ENTPD3: variants seen among roughly 807,000 people sequenced by gnomAD.
The protein encoded by ENTPD3 is CD39 antigen-like 3.
ENTPD3 carries 60 observed loss-of-function variants against 51.2 expected under a neutral mutation model. The ratio of observed to expected loss-of-function variants is 1.17; its 90% CI spans 0.95 to 1.45. ENTPD3 has a LOEUF of 1.45. Ranked by LOEUF, ENTPD3 falls within the 40% of genes most tolerant of loss-of-function variation. The pLI is 0.00. For missense variants in ENTPD3, 593 were observed against 641.1 expected, an observed-to-expected ratio of 0.93 and a Z score of 0.81; for synonymous variants, 221 against 238.4, an observed-to-expected ratio of 0.93 and a Z score of 0.67.
rs199612621 is a variant in ENTPD3, at chr3:40,414,761, G to A, written c.518G>A (p.Gly173Asp). ...AAGTCCCAGCCCTTTGACTTTAGGG[G>A]TGCTCAAATCATTTCTGGGCAAGAA... ...YFKSQPFDFR[G>D]AQIISGQEEG... is the part of the protein sequence containing the mutation. Residue 173 changes from glycine (G) to aspartate (D), a missense_variant, in exon 6 of 11, where the codon GGT becomes GAT. Transcript: ENST00000301825. 4.3e-6 allele frequency: 7 copies of A among 1,613,912 alleles called. No individual in the cohort carries two copies. Among genetic ancestry groups the A allele is most frequent in the Non-Finnish European group, 5.9e-6 (7 of 1,179,954 alleles).
chr3:40,425,915 T>G (rs1268414924), intron 10 of ENTPD3, among the ~76,000 whole-genome samples: 1 of 144,484 alleles, frequency 6.9e-6, no homozygotes, highest in African/African-American at 2.5e-5. Flanking sequence ...AAAAAAAAAT[T>G]ATATTAAAAA....
At position 40,411,841 on chromosome 3, in the gene ENTPD3, C is replaced by A; in HGVS notation, c.316C>A (p.Pro106Thr). The A allele has an allele frequency of 6.3e-7, 1 of 1,596,708 alleles. No individual in the cohort carries two copies. The highest frequency in any genetic ancestry group is 8.5e-7 in the Non-Finnish European group (1 of 1,171,706). The change falls in exon 5 of 11, where the codon CCC becomes ACC. Residue 106 changes from proline (P) to threonine (T), a missense_variant. Pro to Thr is a conservative substitution (Grantham distance 38). Transcript: ENST00000301825. Reference protein sequence around the residue: ...GSGISSYGNNPQDVPRAFEEC... With the variant: ...GSGISSYGNNTQDVPRAFEEC... ...TGGAATCTCCAGCTATGGAAATAAC[C>A]CCCAAGATGTCCCCAGAGCCTTTGA...
chr3:40,414,963 G>A (rs561243228), intron 6 of ENTPD3, 123 bp downstream of exon 6: 221 of 964,548 alleles, frequency 2.3e-4, no homozygotes, highest in East Asian at 1.0e-3. Context: ...ACCATGTAAC[G>A]CATTAGGGAA....
At chr3:40,401,596 T>C (rs1955358318) in intron 4 of ENTPD3, among the ~76,000 whole-genome samples, 1 of 152,232 alleles carries the variant, frequency 6.6e-6, no homozygotes, top group African/African-American at 2.4e-5. Flanking sequence ...TAGTCCTGTG[T>C]ATTGATGGCG....
Position 40,415,860 on chromosome 3 carries a change from G to A in ENTPD3, c.618G>A (p.Trp206Ter). ...NFLEKNLWHMWVHPHGVETTG... is the reference protein window; with the variant it reads ...NFLEKNLWHM The stretch of plus-strand genomic sequence containing the variant: ...TGCAGAAGAACCTGTGGCACATGTG[G>A]GTGCACCCGCATGGAGTGGAAACCA... The change falls in exon 7 of 11, where the codon TGG (tryptophan) becomes TGA (stop). Residue 206 changes from tryptophan (W) to a stop codon, truncating the protein, a stop_gained. Transcript: ENST00000301825. LOFTEE classifies it high-confidence loss of function. 1 of 1,613,920 alleles carries A rather than the reference G, an allele frequency of 6.2e-7. No individual in the cohort carries two copies. Among genetic ancestry groups the A allele is most frequent in the Non-Finnish European group, 8.5e-7 (1 of 1,179,898 alleles).
At position 40,415,973 on chromosome 3, in the gene ENTPD3, A is replaced by T; in HGVS notation, c.731A>T (p.Gln244Leu). The change falls in exon 7 of 11, where the codon CAG becomes CTG. Residue 244 changes from glutamine (Q) to leucine (L), a missense_variant. Physicochemically the swap from Gln to Leu is moderately radical, Grantham distance 113. Transcript: ENST00000301825. The part of the protein sequence containing the change: ...KMDLNTSDIM[Q>L]VSLYGYVYTL... ...GATCTGAACACCAGCGACATCATGCAGGTGTCCCTGTATGGCTACGTATAC... is the reference window on the plus strand; with the variant it reads ...GATCTGAACACCAGCGACATCATGCTGGTGTCCCTGTATGGCTACGTATAC... 1 of 1,613,906 alleles carries T rather than the reference A, an allele frequency of 6.2e-7. No homozygotes were observed. Among genetic ancestry groups the T allele is most frequent in the South Asian group, 1.1e-5 (1 of 91,070 alleles).
In ENTPD3 at chr3:40,414,706, G is replaced by A. The variant is rs761086925; in HGVS notation, c.463G>A (p.Glu155Lys). 155 of 1,613,976 alleles carry A rather than the reference G, an allele frequency of 9.6e-5. No individual in the cohort carries two copies. The highest frequency in any genetic ancestry group is 1.1e-4 in the Non-Finnish European group (129 of 1,179,982). ...LRLQNETAAN[E>K]VLESIQSYFK... ...GTTGCAAAATGAAACAGCAGCTAAT[G>A]AAGTCCTTGAAAGCATCCAAAGCTA... Residue 155 changes from glutamate (E) to lysine (K), a missense_variant, in exon 6 of 11, where the codon GAA becomes AAA. Glu to Lys is a moderately conservative substitution (Grantham distance 56). Coordinates refer to ENST00000301825, the MANE Select transcript of ENTPD3 (RefSeq NM_001248.4).
At chr3:40,414,992 C>T (rs1559515589) in intron 6 of ENTPD3, 152 bp downstream of exon 6, 3 of 783,876 alleles carry the variant, frequency 3.8e-6, no homozygotes, top group Non-Finnish European at 6.3e-6. Flanking sequence ...GAGACAATAG[C>T]TAAGAAAGAC....
At chr3:40,400,750 A>G in intron 3 of ENTPD3, 144 bp from the exon 4 acceptor site, 1 of 643,320 alleles carries the variant, frequency 1.6e-6, no homozygotes, top group East Asian at 2.6e-5. Context: ...ATTGGTTTGG[A>G]GAAAATAATT....
chr3:40,421,964 T>G (rs1955882922), intron 7 of ENTPD3, among the ~76,000 whole-genome samples: 1 of 152,182 alleles, frequency 6.6e-6, no homozygotes, highest in Admixed American at 6.5e-5. Flanking sequence ...TTGTACCTTT[T>G]GGATTATTTT....
In ENTPD3 at chr3:40,414,836, T is replaced by C. The variant is rs1955708065; in HGVS notation, c.593T>C (p.Leu198Pro). Residue 198 changes from leucine to proline, a missense_variant, in exon 6 of 11, where the codon CTG (leucine) becomes CCG (proline). Physicochemically the swap from Leu to Pro is moderately conservative, Grantham distance 98. Transcript: ENST00000301825. ...ITANYLMGNF[L>P]EKNLWHMWVH... ...GCCAACTATTTAATGGGAAATTTCC[T>C]GGAGGTGTGTGCAAACAAATGCATG... 3.1e-6 allele frequency: 5 copies of C among 1,613,822 alleles called. No homozygotes were observed. The South Asian group carries it at 3.3e-5, about 11-fold the overall frequency.
At chr3:40,406,566 T>G (rs1955503834) in intron 4 of ENTPD3, among the ~76,000 whole-genome samples, 1 of 152,244 alleles carries the variant, frequency 6.6e-6, no homozygotes, top group Non-Finnish European at 1.5e-5. Context: ...TAAGTGCTGT[T>G]AAATCAGTAC....
rs768849756 is a variant in ENTPD3, at chr3:40,423,942, C to T, written c.1332C>T (p.Pro444=). The change falls in exon 10 of 11, where the codon CCC becomes CCT. Residue 444 remains proline (P), a synonymous_variant. Transcript: ENST00000301825. The stretch of plus-strand genomic sequence containing the variant: ...ACAAATTCACAGAGGAGACTTGGCC[C>T]CAAATACACTTTGAAAAAGAAGTAA... The part of the protein sequence containing the change: ...NGYKFTEETW[P]QIHFEKEVGN... The T allele has an allele frequency of 6.2e-7, 1 of 1,614,072 alleles. No homozygotes were observed. Among genetic ancestry groups the T allele is most frequent in the Non-Finnish European group, 8.5e-7 (1 of 1,179,992 alleles).
intron 3 of ENTPD3, among the ~76,000 whole-genome samples, chr3:40,397,774 G>A (rs1034411465): frequency 6.6e-6 from 1 of 152,180 alleles, no homozygotes; most frequent in Non-Finnish European, 1.5e-5. Context: ...TAGATACAGA[G>A]TAATTTAACC....
At chr3:40,396,147 G>A (rs148415058) in intron 3 of ENTPD3, among the ~76,000 whole-genome samples, 102 of 152,294 alleles carry the variant, frequency 6.7e-4, no homozygotes, top group African/African-American at 2.3e-3. Context: ...TAAAACACAG[G>A]AAGATGAGCT....
intron 5 of ENTPD3, among the ~76,000 whole-genome samples, chr3:40,412,709 C>T (rs537077207): frequency 1.9e-4 from 29 of 152,086 alleles, no homozygotes; most frequent in Admixed American, 3.9e-4. Flanking sequence ...ATTCCAAGCA[C>T]GCAAAATTAT....
In ENTPD3 at chr3:40,392,067, G is replaced by T. The variant is rs767096541; in HGVS notation, c.85G>T (p.Val29Phe). 5 of 1,614,016 alleles carry T rather than the reference G, an allele frequency of 3.1e-6. No homozygotes were observed. In the East Asian group the frequency reaches 1.1e-4, roughly 36 times the overall value. ...YRTPTIIALVVLLVSIVVLVS... is the reference protein window; with the variant it reads ...YRTPTIIALVFLLVSIVVLVS... ...AACTCCAACCATCATTGCCTTGGTG[G>T]TCTTGCTTGTGAGTATTGTGGTACT... The change falls in exon 3 of 11, where the codon GTC (valine) becomes TTC (phenylalanine). Residue 29 changes from valine (V) to phenylalanine (F), a missense_variant. By Grantham distance (50) the Val-to-Phe change is conservative. Transcript: ENST00000301825.
chr3:40,427,553 C>T lies in ENTPD3; in HGVS notation c.*45C>T. The stretch of plus-strand genomic sequence containing the variant: ...GAGTCCAATGGCTGCTTAGAGTCAG[C>T]CTGGGTGGCACCAGGCAATGCAGGT... On this transcript the variant is annotated 3_prime_UTR_variant, in exon 11 of 11. Coordinates refer to ENST00000301825, the MANE Select transcript of ENTPD3 (RefSeq NM_001248.4). 1 of 1,479,434 alleles carries T rather than the reference C, an allele frequency of 6.8e-7. No homozygotes were observed. Among genetic ancestry groups the T allele is most frequent in the Non-Finnish European group, 9.4e-7 (1 of 1,059,130 alleles). 91.6% of individuals were successfully genotyped at this position (1,479,434 alleles called of 1,614,324 possible). A position where few individuals can be genotyped will look rare whatever the true frequency, so the allele number is the denominator to read the frequency against.
rs191599238 is a variant in ENTPD3, at chr3:40,421,721, G to C, written c.832-1129G>C. ...ACTGTATAAGTACAATGAATGGAAA[G>C]ATCTCAAAGATATATAATTTTAAGT... On this transcript the variant is annotated intron_variant, in intron 7 of 10. Coordinates refer to ENST00000301825, the MANE Select transcript of ENTPD3 (RefSeq NM_001248.4). Among the ~76,000 whole-genome samples the C allele has an allele frequency of 3.2e-3, 493 of 152,252 alleles. 3 individuals are homozygous for C. The highest frequency in any genetic ancestry group is 2.6e-3 in the Non-Finnish European group (177 of 68,032).
Sources: allele counts gnomAD v4.1 joint callset (sites outside exome capture counted in the v4.1 genomes callset), GRCh38; gene constraint gnomAD v4.1.1; transcripts MANE v1.5; gene names NCBI Gene and HGNC (gene_info 2026-07-23, HGNC 2026-07-21).